Variants in TMCO5A observed in about 807,000 individuals in gnomAD.
TMCO5A encodes transmembrane and coiled-coil domain-containing protein 5A.
Under a neutral mutation model 42.3 loss-of-function variants are expected in TMCO5A, and 34 were observed. The ratio of observed to expected loss-of-function variants is 0.80; its 90% CI spans 0.61 to 1.07. TMCO5A has a LOEUF of 1.07. Ranked by LOEUF, TMCO5A falls within the 50% of genes least tolerant of loss-of-function variation. The pLI, the probability that TMCO5A is intolerant of heterozygous loss-of-function variation, is 0.00. For missense variants in TMCO5A, 357 were observed against 327.9 expected (o/e 1.09, Z -0.69); for synonymous variants, 131 against 115.6 (o/e 1.13, Z -0.86).
At chr15:37,999,551 G>T in the TMCO5A span, among the ~76,000 whole-genome samples, 1 of 152,090 alleles carries the variant, frequency 6.6e-6, no homozygotes, top group Non-Finnish European at 1.5e-5. Flanking sequence ...CTCTAACTAG[G>T]ATTTCTAGTA....
At chr15:37,963,527 CAG>C (rs1890483946) in intron 11 of TMCO5A, among the ~76,000 whole-genome samples, 2 of 152,060 alleles carry the variant, frequency 1.3e-5, no homozygotes, top group Non-Finnish European at 2.9e-5. Context: ...GTGTATTGTG[CAG>C]TTGTTGGATA....
chr15:37,971,619 C>T (rs1282136689), downstream of TMCO5A, among the ~76,000 whole-genome samples: 1 of 152,160 alleles, frequency 6.6e-6, no homozygotes, highest in Non-Finnish European at 1.5e-5. Context: ...TGCTGTTTCC[C>T]TTTTAAAACA....
At chr15:38,012,123 C>CA in the TMCO5A span, among the ~76,000 whole-genome samples, 267 of 98,456 alleles carry the variant, frequency 2.7e-3, 1 homozygote, top group African/African-American at 7.7e-3. Flanking sequence ...GACTCCGTCT[C>CA]AAAAAAAAAA....
At chr15:38,014,614 G>C in the TMCO5A span, among the ~76,000 whole-genome samples, 107 of 152,036 alleles carry the variant, frequency 7.0e-4, no homozygotes, top group Non-Finnish European at 1.0e-3. Flanking sequence ...GGTGAAAATG[G>C]CATTCAGTGC....
At chr15:38,007,872 C>CTTTTTTTTTTTTT in the TMCO5A span, among the ~76,000 whole-genome samples, 8 of 47,404 alleles carry the variant, frequency 1.7e-4, 2 homozygotes, top group African/African-American at 1.6e-4. Flanking sequence ...CTCACCCACA[C>CTTTTTTTTTTTTT]TTTTTTTTTT....
chr15:37,972,204 CAAGAG>C (rs950583471), downstream of TMCO5A, among the ~76,000 whole-genome samples: 4 of 152,172 alleles, frequency 2.6e-5, no homozygotes, highest in Non-Finnish European at 4.4e-5. Context: ...TCGCAGCAGA[CAAGAG>C]AAGAGAGCTT....
At chr15:37,942,103 T>A in intron 8 of TMCO5A, 88 bp from the exon 9 acceptor site, 3 of 1,209,160 alleles carry the variant, frequency 2.5e-6, no homozygotes, top group Non-Finnish European at 3.6e-6. Flanking sequence ...GCATTCATGG[T>A]ATCATGTAAT....
At chr15:37,999,721 G>A in the TMCO5A span, among the ~76,000 whole-genome samples, 1 of 152,052 alleles carries the variant, frequency 6.6e-6, no homozygotes, top group Admixed American at 6.6e-5. Context: ...AGTTTTTTAA[G>A]GGTTTTTTTC....
chr15:37,963,216 C>T (rs2140818054), intron 11 of TMCO5A, among the ~76,000 whole-genome samples: 1 of 152,136 alleles, frequency 6.6e-6, no homozygotes, highest in South Asian at 2.1e-4. Flanking sequence ...TTAGCACCAC[C>T]TTTGCTGTAT....
At chr15:37,954,484 C>T (rs1890235633), downstream of TMCO5A, among the ~76,000 whole-genome samples, 1 of 152,016 alleles carries the variant, frequency 6.6e-6, no homozygotes, top group African/African-American at 2.4e-5. Flanking sequence ...AGGAGAAATA[C>T]AGGCTTTCTA....
At chr15:37,978,356 C>G in the TMCO5A span, among the ~76,000 whole-genome samples, 1 of 152,136 alleles carries the variant, frequency 6.6e-6, no homozygotes, top group Non-Finnish European at 1.5e-5. Context: ...TGTCAGTTGC[C>G]ACTCAGAGCT....
chr15:38,032,024 C>T, the TMCO5A span, among the ~76,000 whole-genome samples: 7 of 151,436 alleles, frequency 4.6e-5, no homozygotes, highest in African/African-American at 7.3e-5. Flanking sequence ...GGTATGATCT[C>T]GGCTCACCGC....
rs1279875549 is a variant in TMCO5A, at chr15:37,951,184, T to C, written c.817T>C (p.Phe273Leu). ...GRSTLWKLRC[F>L]FFPSLTLETE... Reference sequence around the variant, plus strand: ...GAGCACCTTGTGGAAGCTCAGATGCTTCTTCTTTCCATCTCTCACACTTGA... The same window carrying C: ...GAGCACCTTGTGGAAGCTCAGATGCCTCTTCTTTCCATCTCTCACACTTGA... The change falls in exon 12 of 12, where the codon TTC becomes CTC. Residue 273 changes from phenylalanine to leucine, a missense_variant. Physicochemically the swap from Phe to Leu is conservative, Grantham distance 22. Coordinates refer to ENST00000319669, the MANE Select transcript of TMCO5A (RefSeq NM_152453.4). 6.2e-7 allele frequency: 1 copy of C among 1,613,826 alleles called. No individual in the cohort carries two copies. The highest frequency in any genetic ancestry group is 1.1e-5 in the South Asian group (1 of 91,060).
At chr15:37,955,583 A>G (rs1231786956), downstream of TMCO5A, among the ~76,000 whole-genome samples, 1 of 152,182 alleles carries the variant, frequency 6.6e-6, no homozygotes, top group Non-Finnish European at 1.5e-5. Context: ...AGGAGCACCC[A>G]GATTCATAAA....
the TMCO5A span, among the ~76,000 whole-genome samples, chr15:37,985,633 A>G: frequency 1.3e-5 from 2 of 152,198 alleles, no homozygotes; most frequent in African/African-American, 4.8e-5. Context: ...CACTTCTCAG[A>G]GAACCATGAA....
chr15:37,953,648 A>G (rs1422088172), downstream of TMCO5A, among the ~76,000 whole-genome samples: 1 of 152,038 alleles, frequency 6.6e-6, no homozygotes, highest in Non-Finnish European at 1.5e-5. Context: ...CTAACTCTTC[A>G]ATGCCCCAGC....
chr15:38,015,544 T>C, the TMCO5A span, among the ~76,000 whole-genome samples: 1 of 152,152 alleles, frequency 6.6e-6, no homozygotes, highest in Non-Finnish European at 1.5e-5. Context: ...TAAATCATAT[T>C]CTTTGGTATT....
chr15:37,939,902 A>G (rs1044729715), intron 6 of TMCO5A, among the ~76,000 whole-genome samples: 2 of 152,086 alleles, frequency 1.3e-5, no homozygotes, highest in African/African-American at 2.4e-5. Flanking sequence ...TCTCAGAAGA[A>G]TCTGGATGTG....
At chr15:38,038,671 G>A in the TMCO5A span, among the ~76,000 whole-genome samples, 1 of 152,126 alleles carries the variant, frequency 6.6e-6, no homozygotes, top group African/African-American at 2.4e-5. Context: ...CTCCCAAAGT[G>A]CTGGGATTAC....
Sources: gnomAD v4.1 joint callset for allele counts (sites outside exome capture counted in the v4.1 genomes callset) on GRCh38, gnomAD v4.1.1 for gene constraint, MANE v1.5 for transcripts, NCBI Gene and HGNC (gene_info 2026-07-23, HGNC 2026-07-21) for gene names.